RANBP2: variants seen among roughly 807,000 people sequenced by gnomAD.
The protein encoded by RANBP2 is RAN binding protein 2, also known as E3 SUMO-protein ligase RanBP2.
Under a neutral mutation model 303.6 loss-of-function variants are expected in RANBP2, and 57 were observed. The ratio of observed to expected loss-of-function variants is 0.19; its 90% CI spans 0.15 to 0.23. The LOEUF (loss-of-function observed/expected upper bound fraction) is 0.23, where lower values mean the gene tolerates loss of function less well. RANBP2 is among the 10% of genes least tolerant of loss of function. The pLI is 1.00. For missense variants in RANBP2, 3,138 were observed against 3,780.8 expected (o/e 0.83, Z 4.46); for synonymous variants, 1,167 against 1,301.5 (o/e 0.90, Z 2.23).
the RANBP2 span, among the ~76,000 whole-genome samples, chr2:109,516,562 G>A: frequency 2.4e-3 from 373 of 152,300 alleles, 1 homozygote; most frequent in Middle Eastern, 6.8e-3. Context: ...TGTGAGGGCC[G>A]CCACTGGAGG....
the RANBP2 span, among the ~76,000 whole-genome samples, chr2:108,842,700 A>G: frequency 6.6e-6 from 1 of 152,174 alleles, no homozygotes; most frequent in Non-Finnish European, 1.5e-5. Flanking sequence ...TGAATCAAAC[A>G]TATTTAGGAA....
the RANBP2 span, among the ~76,000 whole-genome samples, chr2:108,943,874 TA>T: frequency 6.6e-6 from 1 of 152,226 alleles, no homozygotes; most frequent in African/African-American, 2.4e-5. Context: ...TCTGAGCCTA[TA>T]ACCTTGCATA....
In RANBP2 at chr2:108,755,164, A is replaced by G. The variant is rs765704474; in HGVS notation, c.2383-12A>G. The G allele has an allele frequency of 2.5e-6, 4 of 1,609,628 alleles. No individual in the cohort carries two copies. In the South Asian group the frequency reaches 3.3e-5, roughly 13 times the overall value. On this transcript the variant is annotated splice_polypyrimidine_tract_variant and intron_variant, in intron 16 of 28. Transcript: ENST00000283195. ...TTTTAAATGCTGTTTTGTTATTTTT[A>G]TTTTTTTTTAGTATTCTCCCAAAAC...
chr2:108,969,485 G>A, the RANBP2 span, among the ~76,000 whole-genome samples: 1 of 152,202 alleles, frequency 6.6e-6, no homozygotes, highest in Non-Finnish European at 1.5e-5. Flanking sequence ...AGGCATACAG[G>A]TCCTGGCCCC....
At chr2:109,022,016 G>C in the RANBP2 span, among the ~76,000 whole-genome samples, 1 of 152,198 alleles carries the variant, frequency 6.6e-6, no homozygotes, top group Non-Finnish European at 1.5e-5. Flanking sequence ...CCTGCACAGA[G>C]TTTACACAAT....
the RANBP2 span, among the ~76,000 whole-genome samples, chr2:109,331,952 G>A: frequency 9.2e-5 from 14 of 152,292 alleles, no homozygotes; most frequent in South Asian, 1.2e-3. Context: ...CCGATCCTCC[G>A]ATGGGTCTTC....
the RANBP2 span, among the ~76,000 whole-genome samples, chr2:109,134,054 T>A: frequency 6.6e-6 from 1 of 152,226 alleles, no homozygotes; most frequent in Non-Finnish European, 1.5e-5. Context: ...ACAGTTGAAC[T>A]GCTTATATAC....
chr2:109,559,046 C>T, the RANBP2 span, among the ~76,000 whole-genome samples: 1 of 152,016 alleles, frequency 6.6e-6, no homozygotes, highest in Non-Finnish European at 1.5e-5. Flanking sequence ...CCACCACACC[C>T]GGCTAATTTT....
chr2:109,496,912 GAGA>G, the RANBP2 span, among the ~76,000 whole-genome samples: 1 of 152,202 alleles, frequency 6.6e-6, no homozygotes, highest in Non-Finnish European at 1.5e-5. Context: ...AGAGGCAGAG[GAGA>G]AGGTCAGAGT....
the RANBP2 span, among the ~76,000 whole-genome samples, chr2:109,162,695 A>G: frequency 1.3e-5 from 2 of 152,206 alleles, no homozygotes; most frequent in African/African-American, 4.8e-5. Context: ...ATACGTGTGC[A>G]TGTGTCTTTA....
the RANBP2 span, among the ~76,000 whole-genome samples, chr2:108,963,869 C>A: frequency 6.6e-6 from 1 of 152,186 alleles, no homozygotes; most frequent in Non-Finnish European, 1.5e-5. Flanking sequence ...GAGACACCCA[C>A]ACACTCAGAA....
chr2:109,130,089 C>A, the RANBP2 span: 1 of 1,358,476 alleles, frequency 7.4e-7, no homozygotes, highest in Non-Finnish European at 9.5e-7. Context: ...AGCTGGCGAC[C>A]AGCAGGACCG....
chr2:108,754,298 C>CT (rs1676132301), intron 15 of RANBP2, among the ~76,000 whole-genome samples: 1 of 151,410 alleles, frequency 6.6e-6, no homozygotes, highest in African/African-American at 2.5e-5. Context: ...TCTTAATGAA[C>CT]TTTGCTGAAA....
chr2:108,804,863 T>C, the RANBP2 span: 1 of 1,483,706 alleles, frequency 6.7e-7, no homozygotes, highest in Non-Finnish European at 8.9e-7. Context: ...AAGTTTTAGA[T>C]GAGAGTTTTT....
chr2:109,349,405 C>A, the RANBP2 span, among the ~76,000 whole-genome samples: 35 of 152,142 alleles, frequency 2.3e-4, no homozygotes, highest in Non-Finnish European at 3.7e-4. Flanking sequence ...CTGGTGCCTC[C>A]CTCCCTCCCC....
chr2:109,424,550 A>T, the RANBP2 span, among the ~76,000 whole-genome samples: 1 of 152,198 alleles, frequency 6.6e-6, no homozygotes, highest in Non-Finnish European at 1.5e-5. Flanking sequence ...TTCCAACAGC[A>T]TGTGCTCACT....
Position 108,783,930 on chromosome 2 carries a change from C to A in RANBP2, c.*29C>A. On this transcript the variant is annotated 3_prime_UTR_variant, in exon 29 of 29. Coordinates refer to ENST00000283195, the MANE Select transcript of RANBP2 (RefSeq NM_006267.5). ...CATTGTTGTTCATAGAAAATTTCATCTGTATAAGCAGTTGGATTGAAGCTT... is the reference window on the plus strand; with the variant it reads ...CATTGTTGTTCATAGAAAATTTCATATGTATAAGCAGTTGGATTGAAGCTT... The A allele has an allele frequency of 6.4e-7, 1 of 1,570,774 alleles. No individual in the cohort carries two copies. The highest frequency in any genetic ancestry group is 1.1e-5 in the South Asian group (1 of 89,578).
chr2:109,719,097 CTTT>C, the RANBP2 span, among the ~76,000 whole-genome samples: 1 of 120,988 alleles, frequency 8.3e-6, no homozygotes, highest in African/African-American at 3.0e-5. Context: ...TGAATTATAT[CTTT>C]TTTTTTTTTT....
At chr2:109,617,970 A>G in the RANBP2 span, 2 of 165,852 alleles carry the variant, frequency 1.2e-5, no homozygotes, top group African/African-American at 4.9e-5. Context: ...AGTTGAGCCA[A>G]GATCACGACA....
Sources: allele counts gnomAD v4.1 joint callset (sites outside exome capture counted in the v4.1 genomes callset), GRCh38; gene constraint gnomAD v4.1.1; transcripts MANE v1.5; gene names NCBI Gene and HGNC (gene_info 2026-07-23, HGNC 2026-07-21).